Variants in ZNF724 observed in about 807,000 individuals in gnomAD.
ZNF724 encodes zinc finger protein 724 pseudogene.
ZNF724 carries 14 observed loss-of-function variants against 29.3 expected under a neutral mutation model. The ratio of observed to expected loss-of-function variants is 0.48; its 90% CI spans 0.32 to 0.75. ZNF724 has a LOEUF of 0.75. ZNF724 is among the 30% of genes least tolerant of loss of function. The pLI is 0.04. For missense variants in ZNF724, 557 were observed against 571.2 expected (o/e 0.98, Z 0.25); for synonymous variants, 180 against 193.6 (o/e 0.93, Z 0.58).
intron 1 of ZNF724, among the ~76,000 whole-genome samples, chr19:23,242,158 CAGCTAACCAGGGAAGTG>C (rs1972135021): frequency 6.6e-6 from 1 of 152,150 alleles, no homozygotes; most frequent in African/African-American, 2.4e-5. Context: ...TCTAGGAATA[CAGCTAACCAGGGAAGTG>C]AAAGATCTCT....
At chr19:23,225,457 T>G (rs1311827017) in intron 3 of ZNF724, among the ~76,000 whole-genome samples, 2 of 151,884 alleles carry the variant, frequency 1.3e-5, no homozygotes, top group African/African-American at 2.4e-5. Context: ...ACAAAAAAAT[T>G]TATCCGGGCA....
At position 23,223,501 on chromosome 19, in the gene ZNF724, A is replaced by G. The variant is rs144791441; in HGVS notation, c.744T>C (p.His248=). The G allele has an allele frequency of 5.1e-4, 380 of 751,858 alleles. 1 individual carries two copies. The African/African-American group carries it at 5.8e-3, about 12-fold the overall frequency. The allele number at this position is 751,858 out of a possible 1,614,324, so 46.6% of individuals were successfully genotyped here. The change falls in exon 4 of 4, where the codon CAT becomes CAC. Residue 248 remains histidine, a synonymous_variant. Coordinates refer to ENST00000418100, the MANE Select transcript of ZNF724 (RefSeq NM_001355404.2). The stretch of plus-strand genomic sequence containing the variant: ...CACGTTTGTAGGATTTCTCTCCAGT[A>G]TGAATTATCTTATGTGTGTTAAGGT... The part of the protein sequence containing the change: ...SSHLNTHKII[H]TGEKSYKREE...
chr19:23,221,675 GGT>G lies in ZNF724; in HGVS notation c.*708_*709del, dbSNP rs1461214305. The G allele has an allele frequency of 5.3e-5, 8 of 152,370 alleles. No homozygotes were observed. The highest frequency in any genetic ancestry group is 1.7e-4 in the African/African-American group (7 of 41,400). 9.4% of individuals were successfully genotyped at this position (152,370 alleles called of 1,614,324 possible). On this transcript the variant is annotated 3_prime_UTR_variant, in exon 4 of 4. Transcript: ENST00000418100. ...AGCTCACTGCAACCTCTGCCTCCCA[GGT>G]TCAAGCGATTCTCCTGTCTCAACCA...
intron 1 of ZNF724, among the ~76,000 whole-genome samples, chr19:23,243,810 C>A (rs935965515): frequency 1.3e-5 from 2 of 151,588 alleles, no homozygotes; most frequent in African/African-American, 4.8e-5. Context: ...GTAATCCCAA[C>A]TACTTGGGAG....
rs751411074 is a variant in ZNF724, at chr19:23,222,435, T to C, written c.1810A>G (p.Asn604Asp). ...TGAATTTTCTTGTGTGTAGTAAGGTTTGAGCATTGGTTAAAAGCTTTGCCA... is the reference window on the plus strand; with the variant it reads ...TGAATTTTCTTGTGTGTAGTAAGGTCTGAGCATTGGTTAAAAGCTTTGCCA... ...ECGKAFNQCSNLTTHKKIHAV... is the reference protein window; with the variant it reads ...ECGKAFNQCSDLTTHKKIHAV... The change falls in exon 4 of 4, where the codon AAC (asparagine) becomes GAC (aspartate). Residue 604 changes from asparagine (N) to aspartate (D), a missense_variant. Physicochemically the swap from Asn to Asp is conservative, Grantham distance 23. Transcript: ENST00000418100. The C allele has an allele frequency of 8.7e-6, 11 of 1,259,202 alleles. No homozygotes were observed. The highest frequency in any genetic ancestry group is 1.3e-5 in the Non-Finnish European group (11 of 859,084). The allele number at this position is 1,259,202 out of a possible 1,614,324, so 78.0% of individuals were successfully genotyped here.
At chr19:23,245,791 C>T (rs1225627382) in intron 1 of ZNF724, among the ~76,000 whole-genome samples, 2 of 152,094 alleles carry the variant, frequency 1.3e-5, no homozygotes, top group East Asian at 1.9e-4. Flanking sequence ...TGTTCCAATA[C>T]TCCTTTGGAA....
At chr19:23,231,439 A>ATT in intron 2 of ZNF724, 78 bp from the exon 3 acceptor site, 1 of 978,938 alleles carries the variant, frequency 1.0e-6, no homozygotes. Context: ...GGTGTAATTA[A>ATT]TAGAATACTA....
chr19:23,250,096 G>T, intron 1 of ZNF724, 144 bp downstream of exon 1: 1 of 511,446 alleles, frequency 2.0e-6, no homozygotes, highest in Non-Finnish European at 4.0e-6. Context: ...GGCTGAAGGG[G>T]ACTGAGGCCC....
At chr19:23,248,075 C>T (rs1972273945) in intron 1 of ZNF724, among the ~76,000 whole-genome samples, 1 of 152,036 alleles carries the variant, frequency 6.6e-6, no homozygotes, top group Admixed American at 6.6e-5. Flanking sequence ...ACACTGACCC[C>T]CAAAGCATTA....
Position 23,231,346 on chromosome 19 carries a change from T to C in ZNF724, c.146A>G (p.Lys49Arg). The C allele has an allele frequency of 7.2e-7, 1 of 1,384,432 alleles. No individual in the cohort carries two copies. Among genetic ancestry groups the C allele is most frequent in the South Asian group, 1.2e-5 (1 of 84,740 alleles). 85.8% of individuals were successfully genotyped at this position (1,384,432 alleles called of 1,614,324 possible). A position where few individuals can be genotyped will look rare whatever the true frequency, so the allele number is the denominator to read the frequency against. Residue 49 changes from lysine (K) to arginine (R), a missense_variant, in exon 3 of 4, where the codon AAG becomes AGG. By Grantham distance (26) the Lys-to-Arg change is conservative. Coordinates refer to ENST00000418100, the MANE Select transcript of ZNF724 (RefSeq NM_001355404.2). ...NLVFLGIAVS[K>R]PDLITCLEQG... is the part of the protein sequence containing the mutation. ...CTCCAGACAGGTGATCAGGTCTGGC[T>C]TAGAGACAGCAATACCTGTTTTATT...
intron 1 of ZNF724, among the ~76,000 whole-genome samples, chr19:23,234,835 G>A (rs973176734): frequency 1.3e-5 from 2 of 152,070 alleles, no homozygotes; most frequent in African/African-American, 4.8e-5. Flanking sequence ...GTTTTCAAAG[G>A]GTTCATGAAT....
Position 23,236,583 on chromosome 19 carries a change from AAAG to A in ZNF724, c.4-4293_4-4291del, listed in dbSNP as rs557813569. ...TCTTAGTAAAATTATACTCAGTAAA[AAAG>A]AAGAACATCTTAAAAAAACACTCAG... On this transcript the variant is annotated intron_variant, in intron 1 of 3. Coordinates refer to ENST00000418100, the MANE Select transcript of ZNF724 (RefSeq NM_001355404.2). The A allele has an allele frequency of 7.8e-5, 12 of 152,892 alleles. 1 individual carries two copies. The East Asian group carries it at 1.5e-3, about 20-fold the overall frequency. The allele number at this position is 152,892 out of a possible 1,614,324, so 9.5% of individuals were successfully genotyped here. A position where few individuals can be genotyped will look rare whatever the true frequency, so the allele number is the denominator to read the frequency against.
At chr19:23,242,755 A>AATAATG (rs1415744953) in intron 1 of ZNF724, 4 of 129,066 alleles carry the variant, frequency 3.1e-5, no homozygotes, top group African/African-American at 1.1e-4. Context: ...TAATAATAAT[A>AATAATG]CAGGCCGGGC....
intron 1 of ZNF724, among the ~76,000 whole-genome samples, chr19:23,239,064 TA>T (rs201221777): frequency 7.3e-5 from 11 of 150,048 alleles, no homozygotes; most frequent in East Asian, 5.8e-4. Flanking sequence ...CATGAGTGCA[TA>T]TGAATAAAGC....
chr19:23,231,364 G>T lies in ZNF724; in HGVS notation c.131-3C>A. On this transcript the variant is annotated splice_region_variant and splice_polypyrimidine_tract_variant and intron_variant, in intron 2 of 3. Coordinates refer to ENST00000418100, the MANE Select transcript of ZNF724 (RefSeq NM_001355404.2). ...GTCTGGCTTAGAGACAGCAATACCT[G>T]TTTTATTAAAAATAAATAACATGAA... The T allele has an allele frequency of 7.3e-7, 1 of 1,368,532 alleles. No individual in the cohort carries two copies. The highest frequency in any genetic ancestry group is 1.0e-6 in the Non-Finnish European group (1 of 965,158). The allele number at this position is 1,368,532 out of a possible 1,614,324, so 84.8% of individuals were successfully genotyped here.
chr19:23,244,444 T>C (rs1972201246), intron 1 of ZNF724, among the ~76,000 whole-genome samples: 1 of 152,010 alleles, frequency 6.6e-6, no homozygotes, highest in Non-Finnish European at 1.5e-5. Context: ...AAAGAGAAGG[T>C]CTGTCATCAG....
At chr19:23,232,363 A>C in intron 1 of ZNF724, 70 bp from the exon 2 acceptor site, 1 of 805,898 alleles carries the variant, frequency 1.2e-6, no homozygotes, top group South Asian at 1.4e-5. Context: ...TCAAGTTGAA[A>C]TGAAAGACTA....
At chr19:23,240,754 A>G (rs1972108171) in intron 1 of ZNF724, among the ~76,000 whole-genome samples, 1 of 150,598 alleles carries the variant, frequency 6.6e-6, no homozygotes, top group Non-Finnish European at 1.5e-5. Context: ...AACAGAGGCC[A>G]AGCACAGTGG....
At chr19:23,245,338 G>C (rs1972216731) in intron 1 of ZNF724, among the ~76,000 whole-genome samples, 1 of 152,204 alleles carries the variant, frequency 6.6e-6, no homozygotes, top group Non-Finnish European at 1.5e-5. Context: ...ATTTAGCCAG[G>C]TGCGGTGGCT....
Sources: gnomAD v4.1 joint callset for allele counts (sites outside exome capture counted in the v4.1 genomes callset) on GRCh38, gnomAD v4.1.1 for gene constraint, MANE v1.5 for transcripts, NCBI Gene and HGNC (gene_info 2026-07-23, HGNC 2026-07-21) for gene names.